NCOR2: variants seen among roughly 807,000 people sequenced by gnomAD.
NCOR2 encodes CTG repeat protein 26.
NCOR2 carries 81 observed loss-of-function variants against 262.9 expected under a neutral mutation model. The ratio of observed to expected loss-of-function variants is 0.31; its 90% CI spans 0.26 to 0.37. The LOEUF (loss-of-function observed/expected upper bound fraction) is 0.37. NCOR2 is among the 10% of genes least tolerant of loss of function. The pLI, the probability that NCOR2 is intolerant of heterozygous loss-of-function variation, is 1.00. For synonymous variants in NCOR2, 1,659 were observed against 1,559.3 expected, an observed-to-expected ratio of 1.06 and a Z score of -1.51; for missense variants, 3,385 against 3,621.4, an observed-to-expected ratio of 0.93 and a Z score of 1.68.
intron 1 of NCOR2, chr12:124,556,549 A>G (rs939904310): frequency 6.6e-6 from 1 of 152,222 alleles, no homozygotes; most frequent in Non-Finnish European, 1.5e-5. Context: ...GGGAGGGGAG[A>G]GGGTGCAATT....
intron 5 of NCOR2, among the ~76,000 whole-genome samples, chr12:124,464,838 G>C (rs2046341638): frequency 1.3e-5 from 2 of 152,214 alleles, no homozygotes; most frequent in Admixed American, 1.3e-4. Context: ...AATGGGATTT[G>C]AACCCAGGAT....
At chr12:124,418,339 C>T (rs1380720539) in intron 13 of NCOR2, among the ~76,000 whole-genome samples, 10 of 152,342 alleles carry the variant, frequency 6.6e-5, no homozygotes, top group Admixed American at 1.3e-4. Flanking sequence ...ACAACAGCCT[C>T]GTTTCCCTCA....
chr12:124,516,051 T>C (rs1412517234), intron 1 of NCOR2, among the ~76,000 whole-genome samples: 1 of 152,086 alleles, frequency 6.6e-6, no homozygotes, highest in African/African-American at 2.4e-5. Flanking sequence ...CAAGGGGACA[T>C]GGATGAGAAC....
chr12:124,510,498 C>T (rs1224277964), intron 1 of NCOR2, among the ~76,000 whole-genome samples: 1 of 152,270 alleles, frequency 6.6e-6, no homozygotes, highest in Admixed American at 6.5e-5. Context: ...CCCCATTCTA[C>T]AGCTGGAGAG....
At chr12:124,340,115 T>C (rs369612212) in exon 37 of NCOR2, 8 of 1,612,424 alleles carry the variant, frequency 5.0e-6, no homozygotes, top group East Asian at 2.2e-5. Flanking sequence ...CGAGGGGAGA[T>C]GGGCGAGTGC....
chr12:124,491,893 A>C (rs1309148362), intron 1 of NCOR2, among the ~76,000 whole-genome samples: 1 of 152,162 alleles, frequency 6.6e-6, no homozygotes, highest in Non-Finnish European at 1.5e-5. Flanking sequence ...GGAGAGAATG[A>C]GGCACAGAGG....
Position 124,457,348 on chromosome 12 carries a change from C to T in NCOR2, c.706-186G>A, listed in dbSNP as rs1214929060. On this transcript the variant is annotated intron_variant, in intron 5 of 46. Transcript: ENST00000405201. This position sits in a 1 kb window ranked among gnomAD's most constrained non-coding sequence, Gnocchi z 4.0. Reference sequence around the variant, plus strand: ...CACGCTGGAAAAAAACACAGAGGAGCCTCAATACCCCCACAGCGGCCCCAG... The same window carrying T: ...CACGCTGGAAAAAAACACAGAGGAGTCTCAATACCCCCACAGCGGCCCCAG... Among the ~76,000 whole-genome samples the T allele has an allele frequency of 1.3e-5, 2 of 151,600 alleles. No homozygotes were observed. Among genetic ancestry groups the T allele is most frequent in the East Asian group, 3.9e-4 (2 of 5,088 alleles).
chr12:124,511,154 C>T (rs903457714), intron 1 of NCOR2, among the ~76,000 whole-genome samples: 23 of 152,288 alleles, frequency 1.5e-4, no homozygotes, highest in African/African-American at 5.3e-4. Context: ...AGAGCACAGA[C>T]AGGGTGTGCT....
At chr12:124,489,924 CAGA>C (rs1185103526) in intron 1 of NCOR2, among the ~76,000 whole-genome samples, 2 of 152,094 alleles carry the variant, frequency 1.3e-5, no homozygotes, top group Non-Finnish European at 2.9e-5. Flanking sequence ...CTCCTTACTC[CAGA>C]AGGTGTCAAG....
Position 124,344,955 on chromosome 12 carries a change from G to A in NCOR2, c.4360-4C>T. The A allele has an allele frequency of 6.5e-7, 1 of 1,533,158 alleles. No homozygotes were observed. Among genetic ancestry groups the A allele is most frequent in the Non-Finnish European group, 8.8e-7 (1 of 1,136,760 alleles). The allele number at this position is 1,533,158 out of a possible 1,614,324, so 95.0% of individuals were successfully genotyped here. ...TGTCGTACTTGAGCGGGGTGCCCTG[G>A]GGCAGAGGGGATGTAAGCTCTAGCC... On this transcript the variant is annotated splice_polypyrimidine_tract_variant and splice_region_variant and intron_variant, in intron 31 of 46. Coordinates refer to ENST00000405201, the Ensembl canonical transcript of NCOR2.
At chr12:124,391,985 G>A (rs1401440933) in intron 16 of NCOR2, among the ~76,000 whole-genome samples, 1 of 152,246 alleles carries the variant, frequency 6.6e-6, no homozygotes, top group Non-Finnish European at 1.5e-5. Context: ...GGTGAGCACT[G>A]GCTCTCCCTC....
chr12:124,344,178 G>A (rs2036717491), intron 32 of NCOR2, among the ~76,000 whole-genome samples: 1 of 152,258 alleles, frequency 6.6e-6, no homozygotes, highest in South Asian at 2.1e-4. Flanking sequence ...AGGGGCTGGG[G>A]CTGGGGAGGA....
chr12:124,439,205 A>G (rs1593545251), intron 7 of NCOR2, among the ~76,000 whole-genome samples: 1 of 151,616 alleles, frequency 6.6e-6, no homozygotes, highest in Non-Finnish European at 1.5e-5. Context: ...AGACCCAGAG[A>G]CAGAGGGAGA....
At position 124,548,280 on chromosome 12, in the gene NCOR2, G is replaced by A. The variant is rs892707784; in HGVS notation, c.-164-12669C>T. 1.3e-5 allele frequency among the ~76,000 whole-genome samples: 2 copies of A among 152,224 alleles called. No homozygotes were observed. Among genetic ancestry groups the A allele is most frequent in the East Asian group, 3.9e-4 (2 of 5,192 alleles). ...AGGCCCAGAGGCAGATGCGGTCGGT[G>A]AGGGCTGAGGAGCTCCCGGGTGGCC... On this transcript the variant is annotated intron_variant, in intron 1 of 32. Coordinates refer to the NCOR2 transcript ENST00000458234. The surrounding 1 kb of genome is among the most constrained non-coding windows in gnomAD (Gnocchi z 5.1).
chr12:124,441,104 G>A (rs2136439980), intron 7 of NCOR2, among the ~76,000 whole-genome samples: 1 of 151,144 alleles, frequency 6.6e-6, no homozygotes, highest in East Asian at 1.9e-4. Flanking sequence ...TAGAAGCAGT[G>A]AAGGCCCAGG....
At chr12:124,408,742 C>T (rs2042409400) in intron 13 of NCOR2, among the ~76,000 whole-genome samples, 1 of 152,184 alleles carries the variant, frequency 6.6e-6, no homozygotes, top group Non-Finnish European at 1.5e-5. Flanking sequence ...GAGCGAGACT[C>T]CATCTCTAAA....
chr12:124,474,050 T>A (rs1376258843), intron 3 of NCOR2, among the ~76,000 whole-genome samples: 2 of 152,242 alleles, frequency 1.3e-5, no homozygotes, highest in African/African-American at 4.8e-5. Flanking sequence ...TCCAACTCCC[T>A]GTTCGCGTAA....
rs141011800 is a variant in NCOR2 at position 124,466,533 on chromosome 12, C to G, written c.592-247G>C. 5.0e-3 allele frequency among the ~76,000 whole-genome samples: 762 copies of G among 152,278 alleles called. 27 individuals carry two copies. The highest frequency in any genetic ancestry group is 0.043 in the Admixed American group (662 of 15,302). ...AATCCTGCCTTCGTGACTTGCCAGC[C>G]AGGGAAGCACAGCCAAGCAGCCTCA... On this transcript the variant is annotated intron_variant, in intron 4 of 46. Transcript: ENST00000405201.
At chr12:124,340,358 CCGATCCCGGTCCCGCTCT>C (rs1271707581) in exon 36 of NCOR2, 21 of 1,612,870 alleles carry the variant, frequency 1.3e-5, no homozygotes, top group East Asian at 1.1e-4. Flanking sequence ...TTTCCCGCTC[CCGATCCCGGTCCCGCTCT>C]CGATCCCGGT....
Sources: allele counts gnomAD v4.1 joint callset (sites outside exome capture counted in the v4.1 genomes callset), GRCh38; gene constraint gnomAD v4.1.1; non-coding constraint Gnocchi (gnomAD v3.1); transcripts MANE v1.5; gene names NCBI Gene and HGNC (gene_info 2026-07-23, HGNC 2026-07-21).